Variants in DYNC2LI1 observed in about 807,000 individuals in gnomAD.
DYNC2LI1 encodes cytoplasmic dynein 2 light intermediate chain 1.
A neutral mutation model predicts 51.9 loss-of-function variants in DYNC2LI1; 45 were observed. The ratio of observed to expected loss-of-function variants is 0.87; its 90% CI spans 0.68 to 1.11. The LOEUF (loss-of-function observed/expected upper bound fraction) is 1.11. Among genes scored for constraint, DYNC2LI1 ranks in the 50% most tolerant of loss-of-function variants. The probability of loss-of-function intolerance (pLI) is 0.00; values close to 1 mark genes in which losing one functional copy is unlikely to be tolerated. For synonymous variants in DYNC2LI1, 130 were observed against 137.8 expected (o/e 0.94, Z 0.40); for missense variants, 490 against 417.4 (o/e 1.17, Z -1.51).
intron 12 of DYNC2LI1, among the ~76,000 whole-genome samples, chr2:43,806,531 G>C (rs1207730004): frequency 6.6e-6 from 1 of 152,192 alleles, no homozygotes; most frequent in East Asian, 1.9e-4. Flanking sequence ...TGTAGAAACA[G>C]GAAAATGACC....
the DYNC2LI1 span, chr2:43,824,675 A>C: frequency 1.0e-6 from 1 of 978,216 alleles, no homozygotes; most frequent in Non-Finnish European, 1.2e-6. Context: ...AAGTAGTAGC[A>C]GTGCGCCAGT....
At chr2:43,826,971 T>G in the DYNC2LI1 span, among the ~76,000 whole-genome samples, 1 of 152,210 alleles carries the variant, frequency 6.6e-6, no homozygotes, top group Non-Finnish European at 1.5e-5. Context: ...AAACAAGGCC[T>G]GAAGTGTGGC....
downstream of DYNC2LI1, among the ~76,000 whole-genome samples, chr2:43,813,496 A>G (rs1363614809): frequency 1.3e-5 from 2 of 152,174 alleles, no homozygotes; most frequent in East Asian, 3.8e-4. Context: ...GAAGATGGAC[A>G]TGCTTTTGTT....
At chr2:43,805,084 T>A in intron 11 of DYNC2LI1, 70 bp from the exon 12 acceptor site, 1 of 991,372 alleles carries the variant, frequency 1.0e-6, no homozygotes, top group East Asian at 2.5e-5. Context: ...GAGCTTGGTT[T>A]ATTAGGCAGA....
intron 5 of DYNC2LI1, chr2:43,792,894 G>A (rs1291171887): frequency 2.8e-5 from 36 of 1,284,842 alleles, no homozygotes; most frequent in East Asian, 1.1e-4. Context: ...TCAGTTATCC[G>A]TTAATCCATG....
chr2:43,824,277 C>G, the DYNC2LI1 span: 5 of 1,614,084 alleles, frequency 3.1e-6, no homozygotes, highest in Middle Eastern at 1.6e-4. Context: ...TTGAAAGGAA[C>G]CATTGGTAAC....
Position 43,776,882 on chromosome 2 carries a change from A to G in DYNC2LI1, c.109A>G (p.Ile37Val), listed in dbSNP as rs1331615062. The change falls in exon 2 of 13, where the codon ATT (isoleucine) becomes GTT (valine). Residue 37 changes from isoleucine to valine, a missense_variant. Coordinates refer to ENST00000260605, the MANE Select transcript of DYNC2LI1 (RefSeq NM_016008.4). ...AEIAEKFVFF[I>V]GSKNGGKTTI... ...AATTGCAGAAAAATTTGTTTTCTTCATTGGCAGTAAAAATGGGGTAATGCT... is the reference window on the plus strand; with the variant it reads ...AATTGCAGAAAAATTTGTTTTCTTCGTTGGCAGTAAAAATGGGGTAATGCT... The G allele has an allele frequency of 6.4e-7, 1 of 1,574,566 alleles. No individual in the cohort carries two copies. The highest frequency in any genetic ancestry group is 1.1e-5 in the South Asian group (1 of 87,914).
Position 43,774,095 on chromosome 2 carries a change from A to T in DYNC2LI1, c.-44A>T. The stretch of plus-strand genomic sequence containing the variant: ...CTCGCCGCCTGATTCTAGGCTGGTC[A>T]CTACTCCGAGCCTGTGACGTTTGCG... On this transcript the variant is annotated 5_prime_UTR_variant, in exon 1 of 13. Coordinates refer to ENST00000260605, the MANE Select transcript of DYNC2LI1 (RefSeq NM_016008.4). 1 of 1,612,778 alleles carries T rather than the reference A, an allele frequency of 6.2e-7. No homozygotes were observed. Among genetic ancestry groups the T allele is most frequent in the Non-Finnish European group, 8.5e-7 (1 of 1,179,482 alleles).
In DYNC2LI1 at chr2:43,809,808, A is replaced by T; in HGVS notation, c.*41A>T. 2.5e-6 allele frequency: 4 copies of T among 1,570,850 alleles called. No homozygotes were observed. The highest frequency in any genetic ancestry group is 3.5e-6 in the Non-Finnish European group (4 of 1,157,970). On this transcript the variant is annotated 3_prime_UTR_variant, in exon 13 of 13. Coordinates refer to ENST00000260605, the MANE Select transcript of DYNC2LI1 (RefSeq NM_016008.4). ...TGTATATTTATTTCTTCTTTTCCAA[A>T]TACAAATAAGATTATACTGTGAATT...
At chr2:43,828,198 G>C in the DYNC2LI1 span, 2 of 1,596,806 alleles carry the variant, frequency 1.3e-6, 1 homozygote, top group Non-Finnish European at 1.7e-6. Context: ...ACATGAAAGA[G>C]GCAGCACACC....
At chr2:43,816,717 T>C in the DYNC2LI1 span, among the ~76,000 whole-genome samples, 7 of 152,196 alleles carry the variant, frequency 4.6e-5, no homozygotes, top group African/African-American at 1.7e-4. Context: ...CTAATTCATA[T>C]TATGTTGTTA....
Position 43,801,618 on chromosome 2 carries a change from A to C in DYNC2LI1, c.732-21A>C, listed in dbSNP as rs574630923. ...AATCTAATTGCTAAACTAATTTAGA[A>C]TCTTTCTCTTCTCCACGTAGCAAAT... On this transcript the variant is annotated intron_variant, in intron 9 of 12. Transcript: ENST00000260605. 12 of 1,587,538 alleles carry C rather than the reference A, an allele frequency of 7.6e-6. No individual in the cohort carries two copies. In the Admixed American group the frequency reaches 8.6e-5, roughly 11 times the overall value.
chr2:43,823,491 T>C, the DYNC2LI1 span, among the ~76,000 whole-genome samples: 1 of 152,174 alleles, frequency 6.6e-6, no homozygotes, highest in Non-Finnish European at 1.5e-5. Context: ...AACCAGGTTT[T>C]GTCTCTGGAA....
At chr2:43,808,765 C>T (rs1449275872) in intron 12 of DYNC2LI1, among the ~76,000 whole-genome samples, 3 of 152,090 alleles carry the variant, frequency 2.0e-5, no homozygotes, top group Non-Finnish European at 2.9e-5. Flanking sequence ...TTCATGTGGC[C>T]ACTGTTATTT....
chr2:43,787,631 C>T (rs1366012954), intron 4 of DYNC2LI1, among the ~76,000 whole-genome samples: 1 of 152,072 alleles, frequency 6.6e-6, no homozygotes, highest in Non-Finnish European at 1.5e-5. Context: ...AAAAATGCAT[C>T]TTGAAGTTGA....
At chr2:43,820,391 C>T in the DYNC2LI1 span, among the ~76,000 whole-genome samples, 36,580 of 152,062 alleles carry the variant, frequency 0.24, 6,956 homozygotes, top group African/African-American at 0.52. Flanking sequence ...CACAACTAAC[C>T]GCAGTAAGCA....
chr2:43,789,034 G>T (rs892453410), intron 4 of DYNC2LI1, among the ~76,000 whole-genome samples: 79 of 152,282 alleles, frequency 5.2e-4, no homozygotes, highest in African/African-American at 1.8e-3. Context: ...TTGAACTCTT[G>T]TTCCCCCACC....
the DYNC2LI1 span, among the ~76,000 whole-genome samples, chr2:43,826,955 C>G: frequency 6.6e-6 from 1 of 152,184 alleles, no homozygotes; most frequent in Non-Finnish European, 1.5e-5. Context: ...AAAAATCTGA[C>G]GAATAAAACA....
downstream of DYNC2LI1, chr2:43,813,327 G>C (rs766293298): frequency 1.2e-5 from 18 of 1,562,176 alleles, no homozygotes; most frequent in South Asian, 1.2e-4. Context: ...GGAAAAGATT[G>C]ACAGTGTCAG....
Sources: gnomAD v4.1 joint callset for allele counts (sites outside exome capture counted in the v4.1 genomes callset) on GRCh38, gnomAD v4.1.1 for gene constraint, MANE v1.5 for transcripts, NCBI Gene and HGNC (gene_info 2026-07-23, HGNC 2026-07-21) for gene names.